TULP4: variants seen among roughly 807,000 people sequenced by gnomAD.
TULP4 encodes the protein TUB like protein 4.
Under a neutral mutation model 129.0 loss-of-function variants are expected in TULP4, and 16 were observed. The ratio of observed to expected loss-of-function variants is 0.12; its 90% CI spans 0.08 to 0.19. The LOEUF is 0.19. Among genes scored for constraint, TULP4 ranks in the 10% least tolerant of loss-of-function variants. TULP4 has a pLI of 1.00. For missense variants in TULP4, 1,842 were observed against 2,059.1 expected, an observed-to-expected ratio of 0.89 and a Z score of 2.04; for synonymous variants, 998 against 854.0, an observed-to-expected ratio of 1.17 and a Z score of -2.94.
chr6:158,264,684 AT>A (rs1778418638), intron 1 of TULP4, among the ~76,000 whole-genome samples: 6 of 152,246 alleles, frequency 3.9e-5, no homozygotes, highest in Admixed American at 3.9e-4. Flanking sequence ...AGCCGGTGAT[AT>A]TTCAGAATAG....
intron 1 of TULP4, among the ~76,000 whole-genome samples, chr6:158,344,131 A>T (rs1780248380): frequency 6.6e-6 from 1 of 151,866 alleles, no homozygotes; most frequent in African/African-American, 2.4e-5. Flanking sequence ...AATTCTCCCC[A>T]CCCTTGAGAA....
Position 158,432,732 on chromosome 6 carries a change from G to A in TULP4, c.543+2835G>A, listed in dbSNP as rs117762847. Among the ~76,000 whole-genome samples, 58 of 152,346 alleles carry A rather than the reference G, an allele frequency of 3.8e-4. 1 individual carries two copies. The East Asian group carries it at 0.011, about 29-fold the overall frequency. On this transcript the variant is annotated intron_variant, in intron 3 of 13. Transcript: ENST00000367097. ...AAAAATTAGCTGGGCATAGTGGCAT[G>A]TGCCTGTATTGTGCGCTGTTTTGCC...
At chr6:158,247,136 A>G (rs1778044299) in intron 1 of TULP4, among the ~76,000 whole-genome samples, 1 of 152,210 alleles carries the variant, frequency 6.6e-6, no homozygotes, top group African/African-American at 2.4e-5. Context: ...GAAACATGTT[A>G]CATGGGGTAT....
intron 6 of TULP4, among the ~76,000 whole-genome samples, chr6:158,469,008 G>C (rs1779614211): frequency 6.6e-6 from 1 of 152,188 alleles, no homozygotes; most frequent in Admixed American, 6.5e-5. Flanking sequence ...CACACATTCA[G>C]ACCATACATA....
intron 1 of TULP4, among the ~76,000 whole-genome samples, chr6:158,408,139 T>C (rs974086461): frequency 6.6e-6 from 1 of 152,150 alleles, no homozygotes; most frequent in African/African-American, 2.4e-5. Context: ...GTGGAACATT[T>C]GTGTGACGGA....
chr6:158,255,827 T>C (rs1298863985), intron 1 of TULP4, among the ~76,000 whole-genome samples: 1 of 152,228 alleles, frequency 6.6e-6, no homozygotes, highest in African/African-American at 2.4e-5. Context: ...ACTGATGCAA[T>C]AGCTGTCATT....
At chr6:158,237,820 G>A in intron 1 of TULP4, 1 of 766,334 alleles carries the variant, frequency 1.3e-6, no homozygotes, top group South Asian at 1.3e-5. Context: ...ATCTGATGAT[G>A]GCAAATGTTT....
intron 5 of TULP4, among the ~76,000 whole-genome samples, chr6:158,457,107 G>C (rs1427027106): frequency 1.3e-5 from 2 of 152,110 alleles, no homozygotes; most frequent in African/African-American, 4.8e-5. Context: ...TTTTAGCCTG[G>C]GGTCATCTGT....
At chr6:158,331,899 C>T (rs10945542) in intron 1 of TULP4, among the ~76,000 whole-genome samples, 75,937 of 147,038 alleles carry the variant, frequency 0.52, 19,740 homozygotes, top group South Asian at 0.61. Flanking sequence ...CTGCCGGGCA[C>T]GGTGGCTCAC....
At chr6:158,401,601 T>C (rs1399588848) in intron 1 of TULP4, among the ~76,000 whole-genome samples, 1 of 139,078 alleles carries the variant, frequency 7.2e-6, no homozygotes, top group Non-Finnish European at 1.6e-5. Context: ...AGAAAACCCG[T>C]GCAGAGTCAA....
chr6:158,395,445 G>A (rs936913222), intron 1 of TULP4, among the ~76,000 whole-genome samples: 3 of 152,030 alleles, frequency 2.0e-5, no homozygotes, highest in Non-Finnish European at 4.4e-5. Context: ...GCTGGGCATG[G>A]TGGTACTTGC....
chr6:158,340,351 A>G (rs1316020532), intron 1 of TULP4, among the ~76,000 whole-genome samples: 1 of 152,160 alleles, frequency 6.6e-6, no homozygotes, highest in Non-Finnish European at 1.5e-5. Context: ...TCATTAATTT[A>G]GCTTTATTTT....
At chr6:158,333,940 T>G (rs961138495) in intron 1 of TULP4, among the ~76,000 whole-genome samples, 1 of 152,194 alleles carries the variant, frequency 6.6e-6, no homozygotes, top group Non-Finnish European at 1.5e-5. Context: ...TGCATAAACT[T>G]AACTGTAGTA....
intron 1 of TULP4, among the ~76,000 whole-genome samples, chr6:158,269,699 A>C (rs1420464669): frequency 1.3e-5 from 2 of 152,394 alleles, no homozygotes; most frequent in East Asian, 3.9e-4. Flanking sequence ...GTAGAATATA[A>C]ATGAAATTGC....
intron 3 of TULP4, among the ~76,000 whole-genome samples, chr6:158,448,004 C>T (rs1347812482): frequency 1.3e-5 from 2 of 152,292 alleles, no homozygotes; most frequent in African/African-American, 4.8e-5. Context: ...GGTGGAGGTC[C>T]TGCTGCCCAG....
In TULP4 at chr6:158,313,784, T is replaced by C. The variant is rs1779419183; in HGVS notation, c.-233T>C. ...AATGGACCCCATGTTTTTTTAAGCA[T>C]TACCTTTTCTTAGAAGACTGCCATC... On this transcript the variant is annotated 5_prime_UTR_variant, in exon 1 of 14. Coordinates refer to ENST00000367097, the MANE Select transcript of TULP4 (RefSeq NM_020245.5). 3.8e-6 allele frequency: 2 copies of C among 533,206 alleles called. No homozygotes were observed. Among genetic ancestry groups the C allele is most frequent in the East Asian group, 6.0e-5 (2 of 33,428 alleles). The allele number at this position is 533,206 out of a possible 1,614,324, so 33.0% of individuals were successfully genotyped here. A position where few individuals can be genotyped will look rare whatever the true frequency, so the allele number is the denominator to read the frequency against.
chr6:158,317,581 G>T (rs553473489), intron 1 of TULP4, among the ~76,000 whole-genome samples: 113 of 152,230 alleles, frequency 7.4e-4, no homozygotes, highest in African/African-American at 2.6e-3. Flanking sequence ...GGACATTTCG[G>T]TTGGTTCCAA....
At chr6:158,241,587 G>A (rs928086876) in intron 1 of TULP4, among the ~76,000 whole-genome samples, 34 of 151,988 alleles carry the variant, frequency 2.2e-4, no homozygotes, top group African/African-American at 7.5e-4. Context: ...ACCAAAACCA[G>A]TCAGGCGTGA....
intron 5 of TULP4, among the ~76,000 whole-genome samples, chr6:158,459,180 C>T (rs1474169944): frequency 6.6e-6 from 1 of 152,182 alleles, no homozygotes; most frequent in Admixed American, 6.5e-5. Context: ...CCTGTAATCT[C>T]AGCACTTTGT....
Sources: allele counts gnomAD v4.1 joint callset (sites outside exome capture counted in the v4.1 genomes callset), GRCh38; gene constraint gnomAD v4.1.1; transcripts MANE v1.5; gene names NCBI Gene and HGNC (gene_info 2026-07-23, HGNC 2026-07-21).